Variants in TEX11 observed in about 807,000 individuals in gnomAD.
TEX11 encodes the protein testis-expressed protein 11.
A neutral mutation model predicts 84.4 loss-of-function variants in TEX11; 7 were observed. That is an observed-to-expected ratio of 0.08 (90% CI 0.05 to 0.16). The LOEUF is 0.16. Among genes scored for constraint, TEX11 ranks in the 10% least tolerant of loss-of-function variants. The pLI, the probability that TEX11 is intolerant of heterozygous loss-of-function variation, is 1.00. For missense variants in TEX11, 551 were observed against 660.5 expected (o/e 0.83, Z 1.82); for synonymous variants, 264 against 222.8 (o/e 1.18, Z -1.64).
At chrX:70,536,638 G>A (rs1347184295) in intron 28 of TEX11, among the ~76,000 whole-genome samples, 1 of 112,223 alleles carries the variant, frequency 8.9e-6, no homozygotes, top group Non-Finnish European at 1.9e-5. Context: ...TCATAGATAT[G>A]TGGATCTCCT....
intron 25 of TEX11, among the ~76,000 whole-genome samples, chrX:70,575,852 C>T (rs1473428128): frequency 1.8e-5 from 2 of 111,632 alleles, no homozygotes; most frequent in African/African-American, 6.5e-5. Flanking sequence ...TCTATTTATT[C>T]TTGAAGAGTA....
At chrX:70,746,799 G>T (rs990821379) in intron 9 of TEX11, among the ~76,000 whole-genome samples, 14 of 112,124 alleles carry the variant, frequency 1.2e-4, no homozygotes, top group Non-Finnish European at 2.6e-4. Context: ...AGAGAATCAG[G>T]GAAACAGCCA....
intron 18 of TEX11, among the ~76,000 whole-genome samples, chrX:70,626,094 C>T (rs931220938): frequency 9.0e-6 from 1 of 111,237 alleles, no homozygotes; most frequent in Non-Finnish European, 1.9e-5. Flanking sequence ...TCCCAATATT[C>T]TAGTTTCCTG....
intron 13 of TEX11, among the ~76,000 whole-genome samples, chrX:70,700,470 T>C (rs1220635474): frequency 9.0e-6 from 1 of 111,525 alleles, no homozygotes; most frequent in Admixed American, 9.6e-5. Context: ...ATGTCAACAT[T>C]GTAATTGTTT....
intron 13 of TEX11, among the ~76,000 whole-genome samples, chrX:70,696,770 A>G (rs920825295): frequency 1.9e-5 from 2 of 107,977 alleles, no homozygotes; most frequent in African/African-American, 7.2e-5. Flanking sequence ...CTCTATCTCA[A>G]AAACAAACGA....
chrX:70,802,398 CTA>C lies in TEX11; in HGVS notation c.692+4305_692+4306del, dbSNP rs752947007. On this transcript the variant is annotated intron_variant, in intron 9 of 29. Transcript: ENST00000374333. ...ATGACATGTGAGAAAAAAATGGTAA[CTA>C]TGTGAGGTGATGGATATGATAATCA... Among the ~76,000 whole-genome samples, 7 of 111,303 alleles carry C rather than the reference CTA, an allele frequency of 6.3e-5. No individual in the cohort carries two copies. In the East Asian group the frequency reaches 2.0e-3, roughly 31 times the overall value.
At chrX:70,706,641 C>G (rs1456355743) in intron 13 of TEX11, among the ~76,000 whole-genome samples, 1 of 110,898 alleles carries the variant, frequency 9.0e-6, no homozygotes. Flanking sequence ...TTGAGCTTAT[C>G]TTCCCCATTA....
rs758102566 is a variant in TEX11, at chrX:70,733,982, T to G, written c.843+6719A>C. Among the ~76,000 whole-genome samples, 16 of 111,442 alleles carry G rather than the reference T, an allele frequency of 1.4e-4. No homozygotes were observed. The South Asian group carries it at 6.1e-3, about 43-fold the overall frequency. ...TGGAATACTATGCAGCCATAAAAAATGATGAGTTCATGTCCCTTGTGGGGA... is the reference window on the plus strand; with the variant it reads ...TGGAATACTATGCAGCCATAAAAAAGGATGAGTTCATGTCCCTTGTGGGGA... On this transcript the variant is annotated intron_variant, in intron 11 of 29. Coordinates refer to ENST00000374333, the MANE Select transcript of TEX11 (RefSeq NM_031276.3).
chrX:70,849,854 A>T (rs1027277487), intron 7 of TEX11, among the ~76,000 whole-genome samples: 1 of 112,143 alleles, frequency 8.9e-6, no homozygotes, highest in African/African-American at 3.2e-5. Flanking sequence ...ATCAACATCC[A>T]CCACACTGAA....
At chrX:70,900,535 C>A (rs1335204150) in intron 2 of TEX11, among the ~76,000 whole-genome samples, 1 of 110,488 alleles carries the variant, frequency 9.1e-6, no homozygotes, top group African/African-American at 3.3e-5. Flanking sequence ...TCCGAACAAC[C>A]TAATGATGCA....
chrX:70,811,806 T>C (rs985051334), intron 8 of TEX11, among the ~76,000 whole-genome samples: 3 of 111,868 alleles, frequency 2.7e-5, no homozygotes, highest in Non-Finnish European at 3.8e-5. Context: ...ATGTGTCTGT[T>C]GGCTGCATAA....
At chrX:70,860,749 T>G in intron 5 of TEX11, 108 bp downstream of exon 5, 1 of 492,606 alleles carries the variant, frequency 2.0e-6, no homozygotes, top group South Asian at 3.0e-5. Context: ...CAAAAAAGGA[T>G]AGCACTAAAA....
At chrX:70,571,370 C>T (rs1177126662) in intron 25 of TEX11, among the ~76,000 whole-genome samples, 2 of 112,012 alleles carry the variant, frequency 1.8e-5, no homozygotes, top group African/African-American at 6.5e-5. Context: ...CTGCTCTTAT[C>T]TTTGTTACAT....
At chrX:70,908,461 A>G (rs970834101) in intron 1 of TEX11, among the ~76,000 whole-genome samples, 193 bp downstream of exon 1, 1 of 112,354 alleles carries the variant, frequency 8.9e-6, no homozygotes, top group Non-Finnish European at 1.9e-5. Flanking sequence ...ATCCTCGTCC[A>G]AAAACATTAC....
chrX:70,903,492 T>C (rs192483270), intron 2 of TEX11, among the ~76,000 whole-genome samples: 26 of 110,985 alleles, frequency 2.3e-4, no homozygotes, highest in Admixed American at 2.3e-3. Context: ...GTATATGCTG[T>C]CCTTTATTGA....
At chrX:70,838,117 T>G (rs1404177672) in intron 7 of TEX11, among the ~76,000 whole-genome samples, 1 of 112,191 alleles carries the variant, frequency 8.9e-6, no homozygotes, top group African/African-American at 3.2e-5. Context: ...TTTTAAAAAA[T>G]TTTTAGAAAC....
At chrX:70,679,851 G>A (rs1238306297) in intron 14 of TEX11, among the ~76,000 whole-genome samples, 3 of 95,667 alleles carry the variant, frequency 3.1e-5, no homozygotes, top group South Asian at 5.4e-4. Flanking sequence ...CCCCCCGCCC[G>A]GCCAGCCGCC....
chrX:70,584,253 G>T (rs1196424991), intron 25 of TEX11, among the ~76,000 whole-genome samples: 6 of 104,694 alleles, frequency 5.7e-5, no homozygotes, highest in African/African-American at 1.8e-4. Context: ...ACTGCAGTCC[G>T]CAGTCTGGCC....
chrX:70,743,501 T>C (rs2090747020), intron 10 of TEX11, among the ~76,000 whole-genome samples: 1 of 112,033 alleles, frequency 8.9e-6, no homozygotes, highest in Non-Finnish European at 1.9e-5. Flanking sequence ...TGATTACATA[T>C]TAAGATTAAT....
Sources: gnomAD v4.1 joint callset for allele counts (sites outside exome capture counted in the v4.1 genomes callset) on GRCh38, gnomAD v4.1.1 for gene constraint, MANE v1.5 for transcripts, NCBI Gene and HGNC (gene_info 2026-07-23, HGNC 2026-07-21) for gene names.